PCDH7: variants seen among roughly 807,000 people sequenced by gnomAD.
The protein encoded by PCDH7 is protocadherin-7.
A neutral mutation model predicts 58.9 loss-of-function variants in PCDH7; 17 were observed. The ratio of observed to expected loss-of-function variants is 0.29; its 90% CI spans 0.20 to 0.43. The LOEUF (loss-of-function observed/expected upper bound fraction) is 0.43, where lower values mean the gene tolerates loss of function less well. Among genes scored for constraint, PCDH7 ranks in the 20% least tolerant of loss-of-function variants. The pLI is 1.00. For synonymous variants in PCDH7, 664 were observed against 616.4 expected, an observed-to-expected ratio of 1.08 and a Z score of -1.14; for missense variants, 1,274 against 1,441.0, an observed-to-expected ratio of 0.88 and a Z score of 1.88.
At chr4:30,871,263 A>G (rs1735541038) in intron 1 of PCDH7, among the ~76,000 whole-genome samples, 1 of 152,084 alleles carries the variant, frequency 6.6e-6, no homozygotes, top group African/African-American at 2.4e-5. Context: ...TTTCTCTTGC[A>G]TAGAGACCAG....
intron 2 of PCDH7, among the ~76,000 whole-genome samples, chr4:30,923,639 T>A (rs963653581): frequency 6.6e-6 from 1 of 152,160 alleles, no homozygotes; most frequent in Admixed American, 6.6e-5. Context: ...GTTCCAAATC[T>A]GTAGAATGCC....
chr4:30,829,608 G>A (rs952647693), intron 1 of PCDH7, among the ~76,000 whole-genome samples: 1 of 152,074 alleles, frequency 6.6e-6, no homozygotes, highest in Admixed American at 6.6e-5. Flanking sequence ...GCAATTGTCA[G>A]TGGTAGCTAA....
At chr4:30,940,029 C>T (rs1388543373) in intron 2 of PCDH7, among the ~76,000 whole-genome samples, 5 of 151,588 alleles carry the variant, frequency 3.3e-5, no homozygotes, top group Non-Finnish European at 5.9e-5. Context: ...AGTTGATGAG[C>T]ACGTGCCTGA....
Position 30,722,912 on chromosome 4 carries a change from C to G in PCDH7, c.1490C>G (p.Ala497Gly). 6.2e-7 allele frequency: 1 copy of G among 1,613,812 alleles called. No individual in the cohort carries two copies. Among genetic ancestry groups the G allele is most frequent in the South Asian group, 1.1e-5 (1 of 91,074 alleles). ...ACCTCGACCCCTCTGGACTATGAGG[C>G]CACCCGGGAGTTCAACGTGGTCATC... Residue 497 changes from alanine to glycine, a missense_variant, in exon 1 of 2, where the codon GCC becomes GGC. By Grantham distance (60) the Ala-to-Gly change is moderately conservative. Coordinates refer to ENST00000361762, the Ensembl canonical transcript of PCDH7. The surrounding 1 kb of genome is among the most constrained non-coding windows in gnomAD (Gnocchi z 7.6).
intron 1 of PCDH7, among the ~76,000 whole-genome samples, chr4:30,793,682 T>C (rs1724421700): frequency 1.3e-5 from 2 of 152,116 alleles, no homozygotes; most frequent in African/African-American, 4.8e-5. Flanking sequence ...TAAAAGGCAT[T>C]TTGATGGTAT....
At chr4:30,896,470 A>T (rs1739400671) in intron 1 of PCDH7, among the ~76,000 whole-genome samples, 1 of 152,150 alleles carries the variant, frequency 6.6e-6, no homozygotes, top group South Asian at 2.1e-4. Context: ...ATTTTTATAA[A>T]AGTTATAAAG....
At chr4:30,735,689 T>G (rs922620897), downstream of PCDH7, among the ~76,000 whole-genome samples, 1 of 152,140 alleles carries the variant, frequency 6.6e-6, no homozygotes, top group African/African-American at 2.4e-5. Context: ...AGACTGAGAC[T>G]TGTGTTAACG....
rs1054244578 is a variant in PCDH7 at position 30,796,860 on chromosome 4, G to A, written c.70+72264G>A. Among the ~76,000 whole-genome samples the A allele has an allele frequency of 7.9e-5, 12 of 152,024 alleles. 1 individual carries two copies. Among genetic ancestry groups the A allele is most frequent in the African/African-American group, 2.7e-4 (11 of 41,386 alleles). On this transcript the variant is annotated intron_variant, in intron 1 of 3. Transcript: ENST00000509759. ...CTGCTAGCTTATCCTAATCCTTACT[G>A]TTATCTCTTCTGCAATTCTCTTTCT... is the stretch of plus-strand genomic sequence containing the variant.
intron 1 of PCDH7, among the ~76,000 whole-genome samples, chr4:30,743,004 A>T (rs1717282803): frequency 6.6e-6 from 1 of 152,126 alleles, no homozygotes; most frequent in Admixed American, 6.5e-5. Flanking sequence ...TAATTAATTC[A>T]TCTAATACTC....
At chr4:30,815,633 T>C (rs1454645161) in intron 1 of PCDH7, among the ~76,000 whole-genome samples, 3 of 152,202 alleles carry the variant, frequency 2.0e-5, no homozygotes, top group Non-Finnish European at 4.4e-5. Context: ...TTGAGGCGTT[T>C]ATCCATTACC....
At chr4:30,986,763 A>G (rs983021239) in intron 3 of PCDH7, among the ~76,000 whole-genome samples, 12 of 152,098 alleles carry the variant, frequency 7.9e-5, no homozygotes, top group African/African-American at 1.2e-4. Flanking sequence ...TGGGCGGATC[A>G]CGAAGTCAAG....
intron 1 of PCDH7, among the ~76,000 whole-genome samples, chr4:30,797,278 G>A (rs1008137696): frequency 6.6e-6 from 1 of 150,720 alleles, no homozygotes; most frequent in African/African-American, 2.4e-5. Context: ...GTTTGGTTTG[G>A]TTTGGTTTTT....
intron 3 of PCDH7, among the ~76,000 whole-genome samples, chr4:31,091,946 C>G (rs2109285839): frequency 6.6e-6 from 1 of 151,924 alleles, no homozygotes; most frequent in Non-Finnish European, 1.5e-5. Flanking sequence ...TAATCAAGCT[C>G]AATCTGAAGT....
At chr4:30,931,662 A>G (rs1362123383) in intron 2 of PCDH7, among the ~76,000 whole-genome samples, 1 of 151,898 alleles carries the variant, frequency 6.6e-6, no homozygotes, top group Non-Finnish European at 1.5e-5. Flanking sequence ...ACAACTCAGA[A>G]AACTGGAGAC....
At chr4:30,889,905 C>T (rs770948489) in intron 1 of PCDH7, among the ~76,000 whole-genome samples, 2 of 152,220 alleles carry the variant, frequency 1.3e-5, no homozygotes, top group African/African-American at 2.4e-5. Flanking sequence ...ATTGCAGAGA[C>T]AGAAATTGAT....
intron 3 of PCDH7, among the ~76,000 whole-genome samples, chr4:31,140,324 A>G (rs929697468): frequency 3.3e-5 from 5 of 152,162 alleles, no homozygotes; most frequent in African/African-American, 1.2e-4. Flanking sequence ...GAAATGACAT[A>G]TTGTGTGAGA....
At chr4:31,042,795 ATGTCT>A (rs1253222239) in intron 3 of PCDH7, among the ~76,000 whole-genome samples, 1 of 152,170 alleles carries the variant, frequency 6.6e-6, no homozygotes. Context: ...GTAAAGTTTG[ATGTCT>A]TGTTCAATTT....
intron 3 of PCDH7, among the ~76,000 whole-genome samples, chr4:31,027,709 C>T (rs1754552556): frequency 6.6e-6 from 1 of 152,188 alleles, no homozygotes; most frequent in African/African-American, 2.4e-5. Context: ...GCGTGAGCTA[C>T]TGCACCCAGC....
intron 3 of PCDH7, among the ~76,000 whole-genome samples, chr4:30,964,431 C>G (rs911734732): frequency 1.3e-5 from 2 of 151,594 alleles, no homozygotes; most frequent in Non-Finnish European, 2.9e-5. Context: ...TTAGTAGAGA[C>G]GGGGTTTCAC....
Sources: gnomAD v4.1 joint callset for allele counts (sites outside exome capture counted in the v4.1 genomes callset) on GRCh38, gnomAD v4.1.1 for gene constraint, Gnocchi (gnomAD v3.1) non-coding constraint, MANE v1.5 for transcripts, NCBI Gene and HGNC (gene_info 2026-07-23, HGNC 2026-07-21) for gene names.